Variants in NOVA1 observed in about 807,000 individuals in gnomAD.
NOVA1 encodes the protein NOVA alternative splicing regulator 1.
In NOVA1, 7 loss-of-function variants were observed where a neutral mutation model predicts 38.0. The observed-to-expected ratio is 0.18, with a 90% CI of 0.10 to 0.35. The LOEUF is 0.35. Among genes scored for constraint, NOVA1 ranks in the 10% least tolerant of loss-of-function variants. NOVA1 has a pLI of 1.00. For missense variants in NOVA1, 460 were observed against 616.0 expected (o/e 0.75, Z 2.68); for synonymous variants, 270 against 232.5 (o/e 1.16, Z -1.47).
chr14:26,524,328 G>A (rs1359359747), intron 2 of NOVA1, among the ~76,000 whole-genome samples: 1 of 152,148 alleles, frequency 6.6e-6, no homozygotes, highest in Admixed American at 6.5e-5. Context: ...ATGACTGTAA[G>A]TCACACTGCA....
chr14:26,555,782 A>C (rs2138662057), intron 2 of NOVA1, among the ~76,000 whole-genome samples: 1 of 152,290 alleles, frequency 6.6e-6, no homozygotes, highest in South Asian at 2.1e-4. Context: ...TAATTCAACA[A>C]CAGTTATCAC....
rs1471429876 is a variant in NOVA1, at chr14:26,448,400, T to C, written c.1083A>G (p.Leu361=). 5.0e-6 allele frequency: 8 copies of C among 1,612,906 alleles called. No individual in the cohort carries two copies. The highest frequency in any genetic ancestry group is 6.8e-6 in the Non-Finnish European group (8 of 1,179,786). The change falls in exon 5 of 5, where the codon TTA becomes TTG. Residue 361 remains leucine (L), a synonymous_variant. Coordinates refer to ENST00000539517, the MANE Select transcript of NOVA1 (RefSeq NM_002515.3). The surrounding 1 kb of genome is among the most constrained non-coding windows in gnomAD (Gnocchi z 5.3). Reference sequence around the variant, plus strand: ...AGGCTTCACTGGCATAGGTGGCCAATAAATTGGCTGCTGCTGCTGCTGGGT... The same window carrying C: ...AGGCTTCACTGGCATAGGTGGCCAACAAATTGGCTGCTGCTGCTGCTGGGT... The part of the protein sequence containing the change: ...SANPAAAAAN[L]LATYASEASA...
chr14:26,516,617 C>T (rs73600000), intron 2 of NOVA1, among the ~76,000 whole-genome samples: 2,682 of 152,252 alleles, frequency 0.018, 71 homozygotes, highest in African/African-American at 0.062. Context: ...TCAGACTATG[C>T]TTTCACAACT....
At chr14:26,580,915 T>C (rs1271781874) in intron 2 of NOVA1, among the ~76,000 whole-genome samples, 1 of 152,020 alleles carries the variant, frequency 6.6e-6, no homozygotes, top group Non-Finnish European at 1.5e-5. Flanking sequence ...GCTATAAATT[T>C]AGTATTATTA....
intron 2 of NOVA1, among the ~76,000 whole-genome samples, chr14:26,580,390 T>C (rs1201779667): frequency 6.6e-6 from 1 of 152,146 alleles, no homozygotes; most frequent in African/African-American, 2.4e-5. Context: ...TAAATCCATA[T>C]GTTTCACATG....
intron 2 of NOVA1, among the ~76,000 whole-genome samples, chr14:26,553,167 T>G (rs772118354): frequency 6.6e-6 from 1 of 152,166 alleles, no homozygotes; most frequent in Non-Finnish European, 1.5e-5. Flanking sequence ...TAATGAGATA[T>G]CAGGTAGCAC....
chr14:26,470,233 T>C (rs1461539462), intron 4 of NOVA1: 17 of 1,119,122 alleles, frequency 1.5e-5, no homozygotes, highest in East Asian at 9.6e-5. Flanking sequence ...CTTGGTTATA[T>C]ACTTCCAGAT....
In NOVA1 at chr14:26,566,594, A is replaced by C. The variant is rs114076054; in HGVS notation, c.280+28816T>G. On this transcript the variant is annotated intron_variant, in intron 2 of 4. Coordinates refer to ENST00000539517, the MANE Select transcript of NOVA1 (RefSeq NM_002515.3). The stretch of plus-strand genomic sequence containing the variant: ...TTTCACTACATCTTCCTTATCATCT[A>C]TTAGCCTACCTCTCAACTAATAAGG... Among the ~76,000 whole-genome samples the C allele has an allele frequency of 5.4e-3, 817 of 152,172 alleles. 8 individuals are homozygous for C. Among genetic ancestry groups the C allele is most frequent in the African/African-American group, 0.019 (784 of 41,556 alleles).
intron 2 of NOVA1, among the ~76,000 whole-genome samples, chr14:26,574,700 T>C (rs981389932): frequency 1.3e-5 from 2 of 152,166 alleles, no homozygotes; most frequent in Non-Finnish European, 2.9e-5. Flanking sequence ...GTTTTAGAGA[T>C]AGGGTCTTGC....
intron 4 of NOVA1, among the ~76,000 whole-genome samples, chr14:26,454,827 CTAACCAG>C (rs1883023922): frequency 6.6e-6 from 1 of 152,098 alleles, no homozygotes; most frequent in African/African-American, 2.4e-5. Flanking sequence ...ACTATATAAT[CTAACCAG>C]AAAAATGCCT....
intron 2 of NOVA1, among the ~76,000 whole-genome samples, chr14:26,546,909 C>T (rs1890822789): frequency 6.6e-6 from 1 of 152,128 alleles, no homozygotes; most frequent in African/African-American, 2.4e-5. Context: ...GTCCCAGCTA[C>T]TCAGGAGGCT....
intron 2 of NOVA1, among the ~76,000 whole-genome samples, chr14:26,513,354 G>T (rs1210229784): frequency 6.6e-6 from 1 of 151,852 alleles, no homozygotes; most frequent in Non-Finnish European, 1.5e-5. Context: ...GTATGAAAAA[G>T]ATATGTCTGA....
chr14:26,579,827 G>C (rs1435867970), intron 2 of NOVA1, among the ~76,000 whole-genome samples: 3 of 152,006 alleles, frequency 2.0e-5, no homozygotes, highest in Non-Finnish European at 4.4e-5. Context: ...GCAAGAACAT[G>C]AGTTAAAATA....
At chr14:26,481,407 A>G (rs753197120) in intron 2 of NOVA1, among the ~76,000 whole-genome samples, 1 of 152,106 alleles carries the variant, frequency 6.6e-6, no homozygotes, top group Admixed American at 6.5e-5. Context: ...AGATTCTGAC[A>G]CACAGACCAA....
intron 1 of NOVA1, chr14:26,596,799 AT>A: frequency 8.6e-7 from 1 of 1,164,518 alleles, no homozygotes; most frequent in African/African-American, 1.6e-5. Context: ...AAGATTTTGC[AT>A]ACTACTTGTG....
At chr14:26,480,528 C>A (rs981120043) in intron 2 of NOVA1, among the ~76,000 whole-genome samples, 67 of 152,198 alleles carry the variant, frequency 4.4e-4, no homozygotes, top group Admixed American at 1.1e-3. Context: ...GGGAAAAAAA[C>A]CGACATAAAA....
At chr14:26,505,186 A>G (rs529119518) in intron 2 of NOVA1, among the ~76,000 whole-genome samples, 2 of 152,294 alleles carry the variant, frequency 1.3e-5, no homozygotes, top group South Asian at 4.1e-4. Context: ...ATGTTTACCT[A>G]TTTATAATTT....
At chr14:26,578,570 T>C (rs1393585942) in intron 2 of NOVA1, among the ~76,000 whole-genome samples, 2 of 152,184 alleles carry the variant, frequency 1.3e-5, no homozygotes, top group Non-Finnish European at 2.9e-5. Context: ...CAGATACTCA[T>C]ATACTTAGGT....
chr14:26,575,183 T>TAAAC (rs1396030391), intron 2 of NOVA1, among the ~76,000 whole-genome samples: 1 of 152,180 alleles, frequency 6.6e-6, no homozygotes, highest in Admixed American at 6.5e-5. Context: ...TGACACTGAC[T>TAAAC]AAACGTCCAT....
Sources: gnomAD v4.1 joint callset for allele counts (sites outside exome capture counted in the v4.1 genomes callset) on GRCh38, gnomAD v4.1.1 for gene constraint, Gnocchi (gnomAD v3.1) non-coding constraint, MANE v1.5 for transcripts, NCBI Gene and HGNC (gene_info 2026-07-23, HGNC 2026-07-21) for gene names.